Variants in ACSS1 observed in about 807,000 individuals in gnomAD.
ACSS1 encodes acetyl-coenzyme A synthetase 2-like, mitochondrial.
A neutral mutation model predicts 75.3 loss-of-function variants in ACSS1; 42 were observed. The observed-to-expected ratio is 0.56, with a 90% CI of 0.44 to 0.72. The LOEUF is 0.72. Among genes scored for constraint, ACSS1 ranks in the 30% least tolerant of loss-of-function variants. ACSS1 has a pLI of 0.00. For missense variants in ACSS1, 782 were observed against 935.7 expected, an observed-to-expected ratio of 0.84 and a Z score of 2.14; for synonymous variants, 380 against 376.8, an observed-to-expected ratio of 1.01 and a Z score of -0.10.
intron 1 of ACSS1, among the ~76,000 whole-genome samples, chr20:25,049,717 C>A (rs1388886611): frequency 6.6e-6 from 1 of 152,270 alleles, no homozygotes; most frequent in East Asian, 1.9e-4. Context: ...GCACCACCAG[C>A]ATCTCCCATT....
intron 7 of ACSS1, among the ~76,000 whole-genome samples, chr20:25,015,629 C>T (rs929426283): frequency 2.0e-5 from 3 of 152,148 alleles, no homozygotes; most frequent in Non-Finnish European, 2.9e-5. Context: ...AAAACAGCTC[C>T]GTGATTTTTA....
intron 2 of ACSS1, among the ~76,000 whole-genome samples, chr20:25,033,516 A>G (rs2088862143): frequency 6.6e-6 from 1 of 152,260 alleles, no homozygotes; most frequent in African/African-American, 2.4e-5. Context: ...CTTTCCCATC[A>G]GATGGAAATT....
chr20:25,051,296 C>T (rs2089171755), intron 1 of ACSS1, among the ~76,000 whole-genome samples: 1 of 152,218 alleles, frequency 6.6e-6, no homozygotes, highest in Non-Finnish European at 1.5e-5. Flanking sequence ...GTTCAGGTAG[C>T]CTGGTCCAGA....
At chr20:25,021,247 A>G (rs1186001225) in intron 6 of ACSS1, 142 bp downstream of exon 6, 122 of 1,149,212 alleles carry the variant, frequency 1.1e-4, no homozygotes, top group Non-Finnish European at 1.4e-4. Context: ...CCCACCGGGC[A>G]TTTCGACAGC....
rs367605220 is a variant in ACSS1 at position 25,024,170 on chromosome 20, G to A, written c.632-529C>T. On this transcript the variant is annotated intron_variant, in intron 3 of 13. Transcript: ENST00000323482. ...GAAACCACACCCCAGTGGATGACTG[G>A]GAGCTGCCTGCCCACCTTACCTTCA... 2.4e-4 allele frequency among the ~76,000 whole-genome samples: 37 copies of A among 152,312 alleles called. 1 individual carries two copies. Among genetic ancestry groups the A allele is most frequent in the African/African-American group, 8.9e-4 (37 of 41,568 alleles).
chr20:25,052,141 A>G (rs1389773534), intron 1 of ACSS1, among the ~76,000 whole-genome samples: 2 of 152,174 alleles, frequency 1.3e-5, no homozygotes, highest in Non-Finnish European at 2.9e-5. Flanking sequence ...TTCAGGATGA[A>G]AAGGTAGAAA....
chr20:25,006,494 G>A lies in ACSS1; in HGVS notation c.*1268C>T. 1 of 237,516 alleles carries A rather than the reference G, an allele frequency of 4.2e-6. No individual in the cohort carries two copies. Among genetic ancestry groups the A allele is most frequent in the Non-Finnish European group, 8.4e-6 (1 of 119,214 alleles). 14.7% of individuals were successfully genotyped at this position (237,516 alleles called of 1,614,324 possible). On this transcript the variant is annotated 3_prime_UTR_variant, in exon 14 of 14. Coordinates refer to ENST00000323482, the MANE Select transcript of ACSS1 (RefSeq NM_032501.4). ...ACAGGTTCACTCACCCAAGAGGCCA[G>A]CACAACCACGACCGAGTGGGTACTC...
chr20:25,023,752 T>C, intron 3 of ACSS1, 111 bp from the exon 4 acceptor site: 1 of 1,087,888 alleles, frequency 9.2e-7, no homozygotes. Context: ...CTCAGTCCAA[T>C]CTTGAGTAAA....
intron 3 of ACSS1, among the ~76,000 whole-genome samples, chr20:25,027,544 A>G (rs951349544): frequency 6.6e-6 from 1 of 152,198 alleles, no homozygotes; most frequent in Non-Finnish European, 1.5e-5. Context: ...AACACATCTC[A>G]ATTGACGCAG....
At chr20:25,011,257 G>C (rs1011946339) in intron 12 of ACSS1, 20 of 152,260 alleles carry the variant, frequency 1.3e-4, no homozygotes, top group African/African-American at 4.6e-4. Flanking sequence ...CCAAACGTTT[G>C]TCTAAAGGTC....
intron 3 of ACSS1, among the ~76,000 whole-genome samples, chr20:25,030,216 A>C (rs944003380): frequency 2.6e-5 from 4 of 152,214 alleles, no homozygotes; most frequent in Non-Finnish European, 5.9e-5. Context: ...GACTGCATGG[A>C]CATAGGGCCA....
Position 25,013,982 on chromosome 20 carries a change from G to A in ACSS1, c.1431C>T (p.Val477=), listed in dbSNP as rs768008909. 1.9e-6 allele frequency: 3 copies of A among 1,613,828 alleles called. No individual in the cohort carries two copies. Among genetic ancestry groups the A allele is most frequent in the South Asian group, 1.1e-5 (1 of 91,030 alleles). The change falls in exon 9 of 14, where the codon GTC becomes GTT. Residue 477 remains valine (V), a synonymous_variant. Transcript: ENST00000323482. The part of the protein sequence containing the change: ...AMAMRPFFGI[V]PVLMDEKGSV... The stretch of plus-strand genomic sequence containing the variant: ...ACACCTTCTCATCCATGAGGACGGG[G>A]ACGATGCCAAAGAAGGGCCTCATCG...
chr20:25,056,775 G>A (rs1220219518), intron 1 of ACSS1, among the ~76,000 whole-genome samples: 4 of 152,170 alleles, frequency 2.6e-5, no homozygotes, highest in Non-Finnish European at 5.9e-5. Flanking sequence ...AATCCAGCAA[G>A]CTGGTTATGA....
chr20:25,028,306 T>C (rs1053316566), intron 3 of ACSS1, among the ~76,000 whole-genome samples: 1 of 152,136 alleles, frequency 6.6e-6, no homozygotes, highest in Admixed American at 6.5e-5. Context: ...CAAAACAATC[T>C]TGAAAAAAGA....
chr20:25,057,864 G>C lies in ACSS1; in HGVS notation c.239C>G (p.Thr80Ser). Residue 80 changes from threonine to serine, a missense_variant, in exon 1 of 14, where the codon ACT (threonine) becomes AGT (serine). By Grantham distance (58) the Thr-to-Ser change is moderately conservative (BLOSUM62 1). Transcript: ENST00000323482. ...AAFWGPLARD[T>S]LVWDTPYHTV... The stretch of plus-strand genomic sequence containing the variant: ...GTGGTAGGGGGTGTCCCACACGAGA[G>C]TGTCCCGCGCCAGAGGCCCCCAGAA... 1 of 1,612,720 alleles carries C rather than the reference G, an allele frequency of 6.2e-7. No homozygotes were observed. The highest frequency in any genetic ancestry group is 1.1e-5 in the South Asian group (1 of 90,996).
chr20:25,057,133 CCGAGAA>C (rs1436677888), intron 1 of ACSS1, among the ~76,000 whole-genome samples: 2 of 152,248 alleles, frequency 1.3e-5, no homozygotes, highest in Admixed American at 6.5e-5. Context: ...TTCTCTGAGG[CCGAGAA>C]CGAGAACGGG....
intron 1 of ACSS1, among the ~76,000 whole-genome samples, chr20:25,051,297 C>G (rs890650221): frequency 5.3e-5 from 8 of 152,246 alleles, no homozygotes; most frequent in African/African-American, 1.9e-4. Context: ...TTCAGGTAGC[C>G]TGGTCCAGAG....
At chr20:25,011,593 C>T (rs2088411077) in intron 12 of ACSS1, 1 of 152,308 alleles carries the variant, frequency 6.6e-6, no homozygotes, top group Non-Finnish European at 1.5e-5. Flanking sequence ...CTCTCTGACC[C>T]TCCTGATCAC....
At chr20:25,054,838 G>A (rs1214727622) in intron 1 of ACSS1, among the ~76,000 whole-genome samples, 3 of 152,176 alleles carry the variant, frequency 2.0e-5, no homozygotes, top group Admixed American at 6.5e-5. Context: ...GCTAAAGTGC[G>A]GTGTCACCAA....
Sources: gnomAD v4.1 joint callset for allele counts (sites outside exome capture counted in the v4.1 genomes callset) on GRCh38, gnomAD v4.1.1 for gene constraint, MANE v1.5 for transcripts, NCBI Gene and HGNC (gene_info 2026-07-23, HGNC 2026-07-21) for gene names.